KIAA0753: variants seen among roughly 807,000 people sequenced by gnomAD.
The protein encoded by KIAA0753 is KIAA0753, also known as protein moonraker.
In KIAA0753, 114 loss-of-function variants were observed where a neutral mutation model predicts 116.9. The observed-to-expected ratio is 0.98, with a 90% confidence interval of 0.84 to 1.14. KIAA0753 has a LOEUF of 1.14. Among genes scored for constraint, KIAA0753 ranks in the 50% most tolerant of loss-of-function variants. The pLI is 0.00. For missense variants in KIAA0753, 1,156 were observed against 1,172.4 expected (o/e 0.99, Z 0.20); for synonymous variants, 405 against 413.1 (o/e 0.98, Z 0.24).
chr17:6,611,344 A>C (rs4796523), intron 8 of KIAA0753, among the ~76,000 whole-genome samples: 46,395 of 151,924 alleles, frequency 0.31, 7,976 homozygotes, highest in Admixed American at 0.39. Context: ...TCTGTTGCCC[A>C]GGCTGGAGTA....
intron 2 of KIAA0753, among the ~76,000 whole-genome samples, chr17:6,629,420 A>T (rs72835763): frequency 0.077 from 11,751 of 152,294 alleles, 533 homozygotes; most frequent in Non-Finnish European, 0.11. Context: ...CCTAACTATA[A>T]TGTTAATATT....
intron 14 of KIAA0753, 21 bp from the exon 15 acceptor site, chr17:6,596,364 G>A: frequency 6.3e-7 from 1 of 1,595,214 alleles, no homozygotes; most frequent in Admixed American, 1.7e-5. Flanking sequence ...GGGTGGGGTG[G>A]GGAGGAGAGG....
rs1028356645 is a variant in KIAA0753, at chr17:6,632,870, A to G, written c.93+2141T>C. Among the ~76,000 whole-genome samples the G allele has an allele frequency of 1.6e-4, 24 of 152,326 alleles. 1 individual carries two copies. Among genetic ancestry groups the G allele is most frequent in the African/African-American group, 5.5e-4 (23 of 41,578 alleles). On this transcript the variant is annotated intron_variant, in intron 2 of 18. Transcript: ENST00000361413. ...TGGCCTATATTCTTAAAAAAAATCA[A>G]TGTCACAAAACCTAAAAACAGACTC...
chr17:6,584,021 T>C (rs1968387243), intron 18 of KIAA0753, among the ~76,000 whole-genome samples: 1 of 152,212 alleles, frequency 6.6e-6, no homozygotes, highest in South Asian at 2.1e-4. Context: ...CTGAGATAAT[T>C]TGGAGCTGAG....
chr17:6,618,665 C>T (rs1971094274), intron 7 of KIAA0753, among the ~76,000 whole-genome samples: 1 of 152,102 alleles, frequency 6.6e-6, no homozygotes, highest in Non-Finnish European at 1.5e-5. Context: ...CTTACAGTTA[C>T]ACTTGTAGTA....
In KIAA0753 at chr17:6,628,611, G is replaced by T; in HGVS notation, c.224C>A (p.Ala75Glu). The T allele has an allele frequency of 6.2e-7, 1 of 1,614,152 alleles. No individual in the cohort carries two copies. Among genetic ancestry groups the T allele is most frequent in the South Asian group, 1.1e-5 (1 of 91,084 alleles). ...CAGGTCAGGACCAACTCTACAATCT[G>T]CATCTTTACAATGGTATGATTCATT... ...SYNESYHCKD[A>E]DCRVGPDLGS... Residue 75 changes from alanine (A) to glutamate (E), a missense_variant, in exon 3 of 19, where the codon GCA becomes GAA. Coordinates refer to ENST00000361413, the MANE Select transcript of KIAA0753 (RefSeq NM_014804.3).
Position 6,607,592 on chromosome 17 carries a change from C to A in KIAA0753, c.1830-322G>T, listed in dbSNP as rs568589233. Among the ~76,000 whole-genome samples the A allele has an allele frequency of 4.6e-5, 7 of 152,204 alleles. No individual in the cohort carries two copies. The East Asian group carries it at 1.3e-3, about 29-fold the overall frequency. ...TCTTCAAGTTGAGACAAACAATGAG[C>A]CCCCAGGAGCCATATAGGCATGGTG... On this transcript the variant is annotated intron_variant, in intron 10 of 18. Transcript: ENST00000361413.
chr17:6,580,930 A>ACACACC (rs149966522), intron 18 of KIAA0753, among the ~76,000 whole-genome samples: 5,131 of 143,882 alleles, frequency 0.036, 135 homozygotes, highest in African/African-American at 0.06. Context: ...ACACACACAC[A>ACACACC]CCTTCATTTT....
In KIAA0753 at chr17:6,628,187, C is replaced by G. The variant is rs1329467020; in HGVS notation, c.648G>C (p.Leu216=). The G allele has an allele frequency of 6.2e-7, 1 of 1,614,202 alleles. No homozygotes were observed. ...CTTTCTGGAGTCGCTGGACTTCTAGCAGGCTTTTCTGTTCACTTATGTTTT... is the reference window on the plus strand; with the variant it reads ...CTTTCTGGAGTCGCTGGACTTCTAGGAGGCTTTTCTGTTCACTTATGTTTT... ...DHKNISEQKS[L]LEVQRLQKEL... The change falls in exon 3 of 19, where the codon CTG becomes CTC. Residue 216 remains leucine (L), a synonymous_variant. Coordinates refer to ENST00000361413, the MANE Select transcript of KIAA0753 (RefSeq NM_014804.3).
intron 10 of KIAA0753, among the ~76,000 whole-genome samples, 197 bp from the exon 11 acceptor site, chr17:6,607,467 T>C (rs1970267997): frequency 6.6e-6 from 1 of 152,188 alleles, no homozygotes; most frequent in Non-Finnish European, 1.5e-5. Flanking sequence ...AAAACATTAA[T>C]GCACAACGCA....
At chr17:6,593,117 G>A (rs964464949) in intron 16 of KIAA0753, among the ~76,000 whole-genome samples, 3 of 152,090 alleles carry the variant, frequency 2.0e-5, no homozygotes, top group African/African-American at 7.2e-5. Flanking sequence ...CATGTATCTG[G>A]AAAAGAACTT....
intron 8 of KIAA0753, among the ~76,000 whole-genome samples, chr17:6,611,467 A>T (rs1970541609): frequency 6.6e-6 from 1 of 151,810 alleles, no homozygotes; most frequent in Non-Finnish European, 1.5e-5. Context: ...CATCTGGCTA[A>T]TTTTGTTTTT....
At chr17:6,608,758 T>C (rs1008593678) in intron 9 of KIAA0753, among the ~76,000 whole-genome samples, 2 of 152,206 alleles carry the variant, frequency 1.3e-5, no homozygotes, top group African/African-American at 4.8e-5. Context: ...TCACAATACA[T>C]AGATTTGGAT....
intron 3 of KIAA0753, among the ~76,000 whole-genome samples, chr17:6,625,957 C>T (rs188578054): frequency 1.8e-4 from 28 of 152,316 alleles, no homozygotes; most frequent in African/African-American, 6.3e-4. Context: ...CTGCCTCAGC[C>T]TCCAAAAGTG....
chr17:6,622,847 T>A (rs763208638), intron 6 of KIAA0753, 35 bp downstream of exon 6: 2 of 1,565,134 alleles, frequency 1.3e-6, no homozygotes, highest in Non-Finnish European at 1.8e-6. Context: ...TTACTTCCAA[T>A]GCACCTCTAA....
Position 6,578,296 on chromosome 17 carries a change from G to A in KIAA0753, c.*1451C>T, listed in dbSNP as rs1412091456. On this transcript the variant is annotated 3_prime_UTR_variant, in exon 19 of 19. Coordinates refer to ENST00000361413, the MANE Select transcript of KIAA0753 (RefSeq NM_014804.3). Reference sequence around the variant, plus strand: ...TTTCACTTTGCCTGTGGGAAAAAAAGGAGATGTAAGTTATTTAAAATAGGC... The same window carrying A: ...TTTCACTTTGCCTGTGGGAAAAAAAAGAGATGTAAGTTATTTAAAATAGGC... 3 of 152,040 alleles carry A rather than the reference G, an allele frequency of 2.0e-5. No homozygotes were observed. Among genetic ancestry groups the A allele is most frequent in the Non-Finnish European group, 2.9e-5 (2 of 68,002 alleles). The allele number at this position is 152,040 out of a possible 1,614,324, so 9.4% of individuals were successfully genotyped here. A position where few individuals can be genotyped will look rare whatever the true frequency, so the allele number is the denominator to read the frequency against.
chr17:6,628,528 G>A lies in KIAA0753; in HGVS notation c.307C>T (p.Leu103=). ...SQERLSYAVH[L]ARRDVKRRQF... is the part of the protein sequence containing the mutation. ...CTTCGTTTCACATCTCTTCTGGCTA[G>A]GTGGACAGCATAGCTAAGTCTCTCT... The change falls in exon 3 of 19, where the codon CTA becomes TTA. Residue 103 remains leucine, a synonymous_variant. Transcript: ENST00000361413. The A allele has an allele frequency of 6.2e-7, 1 of 1,614,176 alleles. No homozygotes were observed. The highest frequency in any genetic ancestry group is 8.5e-7 in the Non-Finnish European group (1 of 1,180,016).
Position 6,607,216 on chromosome 17 carries a change from T to TAA in KIAA0753, c.1882_1883dup (p.Leu628PhefsTer2), listed in dbSNP as rs1970251768. ...GCATGCTGTCAATTTCCTTGGCTTT[T>TAA]AACTCTTCTAGTTCCTTCAATCTTT... On this transcript the variant is annotated frameshift_variant, in exon 11 of 19. Coordinates refer to ENST00000361413, the MANE Select transcript of KIAA0753 (RefSeq NM_014804.3). LOFTEE classifies it high-confidence loss of function. 6.2e-7 allele frequency: 1 copy of TAA among 1,613,994 alleles called. No homozygotes were observed. The highest frequency in any genetic ancestry group is 8.5e-7 in the Non-Finnish European group (1 of 1,179,954).
At chr17:6,610,349 C>T (rs7405530) in intron 8 of KIAA0753, among the ~76,000 whole-genome samples, 189 bp from the exon 9 acceptor site, 14 of 64,836 alleles carry the variant, frequency 2.2e-4, no homozygotes, top group East Asian at 9.6e-4. Context: ...ATGGTAGGGG[C>T]GGGGGGTGGA....
Sources: gnomAD v4.1 joint callset for allele counts (sites outside exome capture counted in the v4.1 genomes callset) on GRCh38, gnomAD v4.1.1 for gene constraint, MANE v1.5 for transcripts, NCBI Gene and HGNC (gene_info 2026-07-23, HGNC 2026-07-21) for gene names.